Variants in PTPRA observed in about 807,000 individuals in gnomAD.
PTPRA encodes the protein protein tyrosine phosphatase receptor type A, also known as receptor-type tyrosine-protein phosphatase alpha.
In PTPRA, 25 loss-of-function variants were observed where a neutral mutation model predicts 104.8. The ratio of observed to expected loss-of-function variants is 0.24; its 90% CI spans 0.17 to 0.33. PTPRA has a LOEUF of 0.33. PTPRA is among the 10% of genes least tolerant of loss of function. The pLI, the probability that PTPRA is intolerant of heterozygous loss-of-function variation, is 1.00. For missense variants in PTPRA, 765 were observed against 1,015.3 expected, an observed-to-expected ratio of 0.75 and a Z score of 3.35; for synonymous variants, 323 against 368.9, an observed-to-expected ratio of 0.88 and a Z score of 1.43.
At chr20:3,007,528 C>T (rs1361095239) in intron 11 of PTPRA, 108 bp downstream of exon 11, 4 of 1,247,468 alleles carry the variant, frequency 3.2e-6, no homozygotes, top group South Asian at 1.4e-5. Context: ...TTCATGTTTT[C>T]CCTGACAAGT....
intron 22 of PTPRA, among the ~76,000 whole-genome samples, chr20:3,036,407 C>CAA (rs1568713246): frequency 6.6e-6 from 1 of 152,214 alleles, no homozygotes; most frequent in African/African-American, 2.4e-5. Flanking sequence ...CAACAGCTTA[C>CAA]AAGGCCCAAT....
chr20:2,917,956 G>T (rs1158141862), intron 1 of PTPRA, among the ~76,000 whole-genome samples: 1 of 152,012 alleles, frequency 6.6e-6, no homozygotes, highest in Admixed American at 6.6e-5. Context: ...GGGCAGAGTG[G>T]CAGGCGCCTG....
chr20:3,007,579 C>T (rs2063933893), intron 11 of PTPRA, among the ~76,000 whole-genome samples, 159 bp downstream of exon 11: 1 of 152,058 alleles, frequency 6.6e-6, no homozygotes, highest in East Asian at 1.9e-4. Flanking sequence ...TAAGGTCAGT[C>T]AAATAGTTTT....
At chr20:3,036,918 G>C (rs542770629) in intron 22 of PTPRA, among the ~76,000 whole-genome samples, 6 of 152,182 alleles carry the variant, frequency 3.9e-5, no homozygotes, top group Non-Finnish European at 7.3e-5. Context: ...TGGGGTGTGA[G>C]TGAAGGTCGT....
Position 2,978,584 on chromosome 20 carries a change from C to G in PTPRA, c.442+3343C>G, listed in dbSNP as rs140555696. ...TTCAATTAATATGGCCCTTTGTTTTCAAGGAAAGAAGTTATAGCAAGTAGG... is the reference window on the plus strand; with the variant it reads ...TTCAATTAATATGGCCCTTTGTTTTGAAGGAAAGAAGTTATAGCAAGTAGG... On this transcript the variant is annotated intron_variant, in intron 6 of 23. Coordinates refer to ENST00000399903, the MANE Select transcript of PTPRA (RefSeq NM_001385305.1). 5.5e-3 allele frequency among the ~76,000 whole-genome samples: 830 copies of G among 152,158 alleles called. 5 individuals are homozygous for G. The highest frequency in any genetic ancestry group is 0.01 in the Middle Eastern group (3 of 294).
At chr20:3,032,964 C>T (rs2065578572) in intron 20 of PTPRA, among the ~76,000 whole-genome samples, 1 of 151,634 alleles carries the variant, frequency 6.6e-6, no homozygotes, top group Non-Finnish European at 1.5e-5. Flanking sequence ...TACCTCCCTC[C>T]TCTTCCTCAG....
At chr20:2,883,025 C>T (rs1330646779) in intron 1 of PTPRA, among the ~76,000 whole-genome samples, 2 of 142,912 alleles carry the variant, frequency 1.4e-5, no homozygotes, top group Non-Finnish European at 3.0e-5. Flanking sequence ...CTGTATGTAG[C>T]CCAGGCTGGA....
At chr20:2,905,897 G>A (rs1229750545) in intron 1 of PTPRA, among the ~76,000 whole-genome samples, 5 of 151,724 alleles carry the variant, frequency 3.3e-5, no homozygotes, top group African/African-American at 1.2e-4. Context: ...TGTTGGTCAG[G>A]CTGGTCTCGA....
chr20:3,027,586 A>C, intron 19 of PTPRA, 121 bp from the exon 20 acceptor site: 1 of 1,327,150 alleles, frequency 7.5e-7, no homozygotes. Context: ...GCCACAGGGG[A>C]GCTCTGCATG....
intron 5 of PTPRA, among the ~76,000 whole-genome samples, chr20:2,966,162 C>G (rs547806401): frequency 6.6e-6 from 1 of 152,172 alleles, no homozygotes; most frequent in Non-Finnish European, 1.5e-5. Flanking sequence ...AGACCCTTCA[C>G]CTGCCAGCTT....
chr20:2,982,383 A>T (rs1016047321), intron 6 of PTPRA, among the ~76,000 whole-genome samples: 3 of 151,976 alleles, frequency 2.0e-5, no homozygotes, highest in African/African-American at 7.2e-5. Context: ...TTCTTATAAT[A>T]CCTGATATAC....
intron 9 of PTPRA, among the ~76,000 whole-genome samples, chr20:2,990,016 C>CA (rs929044585): frequency 2.0e-5 from 3 of 150,746 alleles, no homozygotes; most frequent in African/African-American, 2.4e-5. Flanking sequence ...GACCCCATCT[C>CA]AAAAAAAAGA....
chr20:2,865,392 C>T, the PTPRA span: 5 of 1,613,984 alleles, frequency 3.1e-6, no homozygotes, highest in African/African-American at 4.0e-5. The surrounding 1 kb of genome is among the most constrained non-coding windows in gnomAD (Gnocchi z 5.2). Flanking sequence ...GCCCAGCTTT[C>T]CTGCAGGCTC....
intron 23 of PTPRA, 28 bp from the exon 24 acceptor site, chr20:3,038,031 G>T: frequency 4.5e-6 from 7 of 1,571,576 alleles, no homozygotes; most frequent in South Asian, 1.1e-5. Context: ...CAGTAACCCT[G>T]ACTTTTTCCC....
chr20:2,909,479 G>A (rs2059544162), intron 1 of PTPRA, among the ~76,000 whole-genome samples: 1 of 151,776 alleles, frequency 6.6e-6, no homozygotes, highest in South Asian at 2.1e-4. Flanking sequence ...CTACTCGGGA[G>A]GCTGAGGCAG....
At chr20:2,864,261 C>G in the PTPRA span, 1 of 1,614,242 alleles carries the variant, frequency 6.2e-7, no homozygotes, top group Admixed American at 1.7e-5. This position sits in a 1 kb window ranked among gnomAD's most constrained non-coding sequence, Gnocchi z 5.2. Flanking sequence ...CTAAGCAAGG[C>G]CATCGAGAGC....
Position 3,037,293 on chromosome 20 carries a change from T to C in PTPRA, c.2334+4T>C. The C allele has an allele frequency of 6.2e-7, 1 of 1,613,878 alleles. No homozygotes were observed. The highest frequency in any genetic ancestry group is 1.1e-5 in the South Asian group (1 of 91,062). On this transcript the variant is annotated splice_donor_region_variant and intron_variant, in intron 23 of 23. Coordinates refer to ENST00000399903, the MANE Select transcript of PTPRA (RefSeq NM_001385305.1). This position sits in a 1 kb window ranked among gnomAD's most constrained non-coding sequence, Gnocchi z 4.3. ...GCCACACATGGTCCAGACACTGGTA[T>C]GCTGCCCACATATTTGTCCCTGCCA...
At chr20:2,989,844 T>G (rs180909615) in intron 9 of PTPRA, among the ~76,000 whole-genome samples, 1 of 152,020 alleles carries the variant, frequency 6.6e-6, no homozygotes, top group East Asian at 1.9e-4. Flanking sequence ...AGTGAAACCC[T>G]GTCTCTACTA....
chr20:3,021,967 T>C (rs2064893310), intron 14 of PTPRA, 87 bp from the exon 15 acceptor site: 1 of 1,512,428 alleles, frequency 6.6e-7, no homozygotes, highest in Admixed American at 1.9e-5. Context: ...CCATTGTCAC[T>C]GACAACCACA....
Sources: gnomAD v4.1 joint callset for allele counts (sites outside exome capture counted in the v4.1 genomes callset) on GRCh38, gnomAD v4.1.1 for gene constraint, Gnocchi (gnomAD v3.1) non-coding constraint, MANE v1.5 for transcripts, NCBI Gene and HGNC (gene_info 2026-07-23, HGNC 2026-07-21) for gene names.